Variants in DAAM1 observed in about 807,000 individuals in gnomAD.
DAAM1 encodes dishevelled associated activator of morphogenesis 1.
In DAAM1, 52 loss-of-function variants were observed where a neutral mutation model predicts 130.0. The ratio of observed to expected loss-of-function variants is 0.40; its 90% confidence interval spans 0.32 to 0.50. The LOEUF (loss-of-function observed/expected upper bound fraction) is 0.50, where lower values mean the gene tolerates loss of function less well. Among genes scored for constraint, DAAM1 ranks in the 20% least tolerant of loss-of-function variants. The pLI is 0.61. For synonymous variants in DAAM1, 452 were observed against 444.5 expected, an observed-to-expected ratio of 1.02 and a Z score of -0.21; for missense variants, 1,134 against 1,303.8, an observed-to-expected ratio of 0.87 and a Z score of 2.01.
intron 2 of DAAM1, among the ~76,000 whole-genome samples, chr14:59,270,873 C>T (rs1882681121): frequency 6.6e-6 from 1 of 152,046 alleles, no homozygotes; most frequent in Admixed American, 6.5e-5. Flanking sequence ...AACTGCTTTT[C>T]CTGTGTGAGA....
chr14:59,344,005 T>A (rs553595255), intron 16 of DAAM1, among the ~76,000 whole-genome samples: 4 of 152,218 alleles, frequency 2.6e-5, no homozygotes, highest in Admixed American at 2.6e-4. Context: ...CAATTTAAAA[T>A]TTACTCTGTT....
intron 1 of DAAM1, among the ~76,000 whole-genome samples, chr14:59,253,009 C>T (rs1242316967): frequency 4.6e-5 from 7 of 152,194 alleles, no homozygotes; most frequent in Non-Finnish European, 1.0e-4. Flanking sequence ...TGTGCTCTAG[C>T]TTTCCTAATC....
At chr14:59,253,214 T>C (rs1423903750) in intron 1 of DAAM1, among the ~76,000 whole-genome samples, 1 of 152,250 alleles carries the variant, frequency 6.6e-6, no homozygotes, top group Non-Finnish European at 1.5e-5. Flanking sequence ...AGGATGTAAG[T>C]GTCTTTCCTA....
At chr14:59,349,902 A>G (rs1202175385) in intron 17 of DAAM1, among the ~76,000 whole-genome samples, 6 of 152,138 alleles carry the variant, frequency 3.9e-5, no homozygotes, top group Admixed American at 3.3e-4. Flanking sequence ...AAGTGGGCTC[A>G]GCACAAGTTT....
At chr14:59,228,920 C>T (rs1889022525) in intron 1 of DAAM1, among the ~76,000 whole-genome samples, 3 of 152,110 alleles carry the variant, frequency 2.0e-5, no homozygotes, top group South Asian at 4.1e-4. Flanking sequence ...TCCGTCTTTT[C>T]CCTGAGTTCT....
intron 1 of DAAM1, among the ~76,000 whole-genome samples, chr14:59,201,489 C>T (rs1888102618): frequency 6.6e-6 from 1 of 151,994 alleles, no homozygotes; most frequent in South Asian, 2.1e-4. Context: ...GTGGCTGTTG[C>T]CTGTAATCCC....
chr14:59,367,409 T>TA lies in DAAM1; in HGVS notation c.2827-16dup. The TA allele has an allele frequency of 1.3e-6, 2 of 1,586,260 alleles. No individual in the cohort carries two copies. Among genetic ancestry groups the TA allele is most frequent in the Non-Finnish European group, 1.7e-6 (2 of 1,163,744 alleles). Reference sequence around the variant, plus strand: ...GAATTCTCATGAAACATTGACTTCTTAAAACCATCTTTTTCCTAGTTTACT... The same window carrying TA: ...GAATTCTCATGAAACATTGACTTCTTAAAAACCATCTTTTTCCTAGTTTACT... On this transcript the variant is annotated intron_variant, in intron 23 of 24. Coordinates refer to ENST00000360909, the MANE Select transcript of DAAM1 (RefSeq NM_001270520.2).
At chr14:59,305,682 A>G (rs1884351263) in intron 3 of DAAM1, among the ~76,000 whole-genome samples, 3 of 152,214 alleles carry the variant, frequency 2.0e-5, no homozygotes, top group Admixed American at 6.5e-5. Flanking sequence ...AGGGTGTTGG[A>G]GCAGAGGGCT....
chr14:59,217,798 C>CT (rs1888634887), intron 1 of DAAM1, among the ~76,000 whole-genome samples: 1 of 151,860 alleles, frequency 6.6e-6, no homozygotes, highest in Admixed American at 6.6e-5. Flanking sequence ...TGGTGAAACT[C>CT]TGTCTGTACT....
intron 3 of DAAM1, among the ~76,000 whole-genome samples, chr14:59,311,277 T>C (rs1884580853): frequency 6.6e-6 from 1 of 152,150 alleles, no homozygotes; most frequent in Admixed American, 6.5e-5. Context: ...ATTGACATTA[T>C]GGTGAGTTTT....
intron 4 of DAAM1, among the ~76,000 whole-genome samples, chr14:59,316,865 A>G (rs1177937431): frequency 6.6e-6 from 1 of 152,254 alleles, no homozygotes; most frequent in East Asian, 1.9e-4. Context: ...ATTCCCTTCT[A>G]TAAATGGGGA....
intron 3 of DAAM1, among the ~76,000 whole-genome samples, chr14:59,305,350 C>A (rs75663630): frequency 0.063 from 9,602 of 152,212 alleles, 392 homozygotes; most frequent in Non-Finnish European, 0.093. Flanking sequence ...GAGAATATTT[C>A]TTTTTCTTTG....
At chr14:59,224,267 A>G (rs1172167296) in intron 1 of DAAM1, among the ~76,000 whole-genome samples, 2 of 152,228 alleles carry the variant, frequency 1.3e-5, no homozygotes, top group Admixed American at 6.5e-5. Flanking sequence ...TGTTAAGCTT[A>G]TGATAGTCCA....
intron 20 of DAAM1, among the ~76,000 whole-genome samples, chr14:59,357,778 A>C (rs563412121): frequency 4.5e-4 from 67 of 148,656 alleles, no homozygotes; most frequent in African/African-American, 1.6e-3. Context: ...ACTCCATCTC[A>C]AAAGAGAAAA....
chr14:59,351,574 C>T (rs181488333), intron 17 of DAAM1, among the ~76,000 whole-genome samples: 183 of 152,228 alleles, frequency 1.2e-3, no homozygotes, highest in Middle Eastern at 3.4e-3. Context: ...GTATTCCAGC[C>T]TCACACAACA....
At chr14:59,252,149 T>C (rs1881673911) in intron 1 of DAAM1, among the ~76,000 whole-genome samples, 1 of 152,234 alleles carries the variant, frequency 6.6e-6, no homozygotes, top group Non-Finnish European at 1.5e-5. Flanking sequence ...TTCAGAATGA[T>C]CTTTCTGAGG....
rs189649324 is a variant in DAAM1, at chr14:59,249,045, C to G, written c.-37-14396C>G. ...CTCGTGATCCGTCTGCCTCGGCCTCCGAAAGTGCTGGGATTACAGGCGTGA... is the reference window on the plus strand; with the variant it reads ...CTCGTGATCCGTCTGCCTCGGCCTCGGAAAGTGCTGGGATTACAGGCGTGA... On this transcript the variant is annotated intron_variant, in intron 1 of 24. Coordinates refer to ENST00000360909, the MANE Select transcript of DAAM1 (RefSeq NM_001270520.2). Among the ~76,000 whole-genome samples, 3 of 152,284 alleles carry G rather than the reference C, an allele frequency of 2.0e-5. No homozygotes were observed. In the East Asian group the frequency reaches 5.8e-4, roughly 29 times the overall value.
chr14:59,357,218 A>G (rs575904685), intron 20 of DAAM1: 26 of 152,386 alleles, frequency 1.7e-4, no homozygotes, highest in Admixed American at 1.2e-3. Context: ...GGTTAATGCA[A>G]TTAATTGAAA....
At chr14:59,198,877 G>A (rs942386877) in intron 1 of DAAM1, among the ~76,000 whole-genome samples, 1 of 152,100 alleles carries the variant, frequency 6.6e-6, no homozygotes, top group African/African-American at 2.4e-5. Context: ...TAAACTTTCC[G>A]GACCTCTCTT....
Sources: allele counts gnomAD v4.1 joint callset (sites outside exome capture counted in the v4.1 genomes callset), GRCh38; gene constraint gnomAD v4.1.1; transcripts MANE v1.5; gene names NCBI Gene and HGNC (gene_info 2026-07-23, HGNC 2026-07-21).